LUZP2: variants seen among roughly 807,000 people sequenced by gnomAD.
The protein encoded by LUZP2 is leucine zipper protein 2.
Under a neutral mutation model 51.6 loss-of-function variants are expected in LUZP2, and 52 were observed. The ratio of observed to expected loss-of-function variants is 1.01; its 90% CI spans 0.81 to 1.27. LUZP2 has a LOEUF of 1.27. LUZP2 is among the 50% of genes most tolerant of loss of function. The pLI is 0.00. For synonymous variants in LUZP2, 154 were observed against 137.3 expected, an observed-to-expected ratio of 1.12 and a Z score of -0.85; for missense variants, 436 against 395.4, an observed-to-expected ratio of 1.10 and a Z score of -0.87.
intron 9 of LUZP2, among the ~76,000 whole-genome samples, chr11:25,006,308 A>T (rs920981108): frequency 6.6e-6 from 1 of 152,152 alleles, no homozygotes; most frequent in Non-Finnish European, 1.5e-5. Context: ...CCAGGAGCCA[A>T]GGGTCAGGAT....
chr11:24,887,550 T>C (rs1490152126), intron 5 of LUZP2, among the ~76,000 whole-genome samples: 1 of 152,188 alleles, frequency 6.6e-6, no homozygotes, highest in African/African-American at 2.4e-5. Flanking sequence ...TGCCTGTAAG[T>C]TATTATCTCT....
intron 1 of LUZP2, among the ~76,000 whole-genome samples, chr11:24,583,514 T>C (rs1852947879): frequency 6.6e-6 from 1 of 151,596 alleles, no homozygotes. Context: ...AACATAACTT[T>C]TAATATTCCA....
rs1858614216 is a variant in LUZP2, at chr11:24,729,230, C to G, written c.124C>G (p.Leu42Val). The G allele has an allele frequency of 6.3e-7, 1 of 1,579,540 alleles. No individual in the cohort carries two copies. Among genetic ancestry groups the G allele is most frequent in the East Asian group, 2.3e-5 (1 of 43,880 alleles). The change falls in exon 2 of 12, where the codon CTT becomes GTT. Residue 42 changes from leucine to valine, a missense_variant. Leu to Val is a conservative substitution (Grantham distance 32, BLOSUM62 1). Transcript: ENST00000336930. ...AGTCTTTAAGGAGCGAAGCACCATT[C>G]TTCGTCAGCTGACAAAGACATCAAG... ...KEVFKERSTI[L>V]RQLTKTSREL...
rs1479081789 is a variant in LUZP2 at position 25,081,093 on chromosome 11, G to A, written c.*2435G>A. On this transcript the variant is annotated 3_prime_UTR_variant, in exon 12 of 12. Transcript: ENST00000336930. ...TTGTTGCCCAGGCTGGAGTGCAATG[G>A]AGCGATCTTGGCTCACTGCAACTCT... is the stretch of plus-strand genomic sequence containing the variant. The A allele has an allele frequency of 7.6e-6, 1 of 132,234 alleles. No homozygotes were observed. The highest frequency in any genetic ancestry group is 1.6e-5 in the Non-Finnish European group (1 of 64,466). The allele number at this position is 132,234 out of a possible 1,614,324, so 8.2% of individuals were successfully genotyped here. A position where few individuals can be genotyped will look rare whatever the true frequency, so the allele number is the denominator to read the frequency against.
intron 10 of LUZP2, among the ~76,000 whole-genome samples, chr11:25,074,850 C>T (rs534152174): frequency 6.6e-5 from 10 of 152,132 alleles, no homozygotes; most frequent in Admixed American, 1.3e-4. Flanking sequence ...AAGATCAAAA[C>T]TTTAAGATAT....
chr11:24,833,610 G>A (rs1182201822), intron 5 of LUZP2, among the ~76,000 whole-genome samples: 1 of 151,950 alleles, frequency 6.6e-6, no homozygotes, highest in African/African-American at 2.4e-5. Flanking sequence ...GCTCATTTTT[G>A]AGCTCCACTC....
chr11:24,918,244 A>G (rs1853866700), intron 7 of LUZP2, among the ~76,000 whole-genome samples: 3 of 152,080 alleles, frequency 2.0e-5, no homozygotes, highest in Admixed American at 2.0e-4. Flanking sequence ...CGCTGAGACG[A>G]TGGGGTTTTC....
chr11:24,602,228 A>ATACATGTG (rs1853733073), intron 1 of LUZP2, among the ~76,000 whole-genome samples: 1 of 33,728 alleles, frequency 3.0e-5, no homozygotes, highest in African/African-American at 5.3e-5. Flanking sequence ...ATATATGTAC[A>ATACATGTG]TATATGTGTA....
intron 5 of LUZP2, 75 bp from the exon 6 acceptor site, chr11:24,905,916 A>G (rs1250348880): frequency 9.4e-6 from 10 of 1,063,182 alleles, no homozygotes; most frequent in African/African-American, 1.6e-5. Flanking sequence ...ACATAAAGCA[A>G]TAATGTTGAC....
At chr11:24,719,736 C>T (rs727749) in intron 1 of LUZP2, among the ~76,000 whole-genome samples, 51,658 of 152,044 alleles carry the variant, frequency 0.34, 9,401 homozygotes, top group Non-Finnish European at 0.41. Context: ...TGCTTTGTAA[C>T]TGATACTGTT....
rs12272721 is a variant in LUZP2 at position 24,675,811 on chromosome 11, A to G, written c.63-53358A>G. The stretch of plus-strand genomic sequence containing the variant: ...TTTATATTTATTTATTTATTTATTT[A>G]TTTATTTATTTATTTATTTATTTTT... On this transcript the variant is annotated intron_variant, in intron 1 of 11. Coordinates refer to ENST00000336930, the MANE Select transcript of LUZP2 (RefSeq NM_001009909.4). Among the ~76,000 whole-genome samples, 166 of 147,766 alleles carry G rather than the reference A, an allele frequency of 1.1e-3. 1 individual carries two copies. Among genetic ancestry groups the G allele is most frequent in the Middle Eastern group, 3.4e-3 (1 of 290 alleles).
At chr11:24,646,640 T>C in intron 1 of LUZP2, 1 of 977,560 alleles carries the variant, frequency 1.0e-6, no homozygotes, top group Non-Finnish European at 1.2e-6. Flanking sequence ...TTCATTCCTC[T>C]TTAATCAAGA....
chr11:25,081,338 G>A lies in LUZP2; in HGVS notation c.*2680G>A, dbSNP rs983289302. ...AGGTGTGAGCCACCGTGCCTGGCCA[G>A]TGTGTTTTTTTCCTTTAAATATATA... On this transcript the variant is annotated 3_prime_UTR_variant, in exon 12 of 12. Coordinates refer to ENST00000336930, the MANE Select transcript of LUZP2 (RefSeq NM_001009909.4). 3 of 151,718 alleles carry A rather than the reference G, an allele frequency of 2.0e-5. No individual in the cohort carries two copies. Among genetic ancestry groups the A allele is most frequent in the Admixed American group, 2.0e-4 (3 of 15,206 alleles). The allele number at this position is 151,718 out of a possible 1,614,324, so 9.4% of individuals were successfully genotyped here. A position where few individuals can be genotyped will look rare whatever the true frequency, so the allele number is the denominator to read the frequency against.
intron 5 of LUZP2, among the ~76,000 whole-genome samples, chr11:24,880,515 A>G (rs1047339714): frequency 5.9e-5 from 9 of 152,152 alleles, no homozygotes; most frequent in Non-Finnish European, 1.0e-4. Flanking sequence ...CTGTTTGGCT[A>G]TCTTGCTCTG....
chr11:25,020,826 T>C (rs1376271787), intron 9 of LUZP2, among the ~76,000 whole-genome samples: 1 of 152,098 alleles, frequency 6.6e-6, no homozygotes, highest in East Asian at 1.9e-4. Context: ...TATTCTGCTA[T>C]GATAGATAAA....
At chr11:25,062,007 A>G (rs760589761) in intron 10 of LUZP2, among the ~76,000 whole-genome samples, 8 of 146,710 alleles carry the variant, frequency 5.5e-5, no homozygotes, top group Non-Finnish European at 1.3e-4. Flanking sequence ...AGCAGTTATT[A>G]TACAGATGGA....
At chr11:24,837,064 T>C (rs574982160) in intron 5 of LUZP2, among the ~76,000 whole-genome samples, 15 of 19,374 alleles carry the variant, frequency 7.7e-4, no homozygotes, top group African/African-American at 9.3e-4. Context: ...GAATGGTTGG[T>C]AGAATTATGT....
At chr11:24,765,276 A>G (rs1860138379) in intron 5 of LUZP2, among the ~76,000 whole-genome samples, 1 of 152,228 alleles carries the variant, frequency 6.6e-6, no homozygotes, top group Non-Finnish European at 1.5e-5. Context: ...CCGTTCAGGC[A>G]TAAGAAAAAA....
intron 7 of LUZP2, among the ~76,000 whole-genome samples, chr11:24,938,558 T>G (rs1312104838): frequency 7.1e-6 from 1 of 140,308 alleles, no homozygotes; most frequent in Non-Finnish European, 1.5e-5. Context: ...AAAATAATAT[T>G]GAAAATAGCT....
Sources: gnomAD v4.1 joint callset for allele counts (sites outside exome capture counted in the v4.1 genomes callset) on GRCh38, gnomAD v4.1.1 for gene constraint, MANE v1.5 for transcripts, NCBI Gene and HGNC (gene_info 2026-07-23, HGNC 2026-07-21) for gene names.